PTPN20: variants seen among roughly 807,000 people sequenced by gnomAD.
PTPN20 encodes the protein tyrosine-protein phosphatase non-receptor type 20.
PTPN20 carries 9 observed loss-of-function variants against 35.0 expected under a neutral mutation model. The ratio of observed to expected loss-of-function variants is 0.26; its 90% CI spans 0.15 to 0.45. PTPN20 has a LOEUF of 0.45. Among genes scored for constraint, PTPN20 ranks in the 20% least tolerant of loss-of-function variants. The probability of loss-of-function intolerance (pLI) is 1.00; values close to 1 mark genes in which losing one functional copy is unlikely to be tolerated. For synonymous variants in PTPN20, 32 were observed against 100.2 expected (o/e 0.32, Z 4.06); for missense variants, 111 against 312.5 (o/e 0.36, Z 4.86).
chr10:46,925,062 C>T lies in PTPN20; in HGVS notation c.-123-7315C>T, dbSNP rs1800530386. Among the ~76,000 whole-genome samples, 12 of 150,986 alleles carry T rather than the reference C, an allele frequency of 7.9e-5. No individual in the cohort carries two copies. The South Asian group carries it at 2.5e-3, about 32-fold the overall frequency. On this transcript the variant is annotated intron_variant, in intron 1 of 10. Coordinates refer to ENST00000374339, the MANE Select transcript of PTPN20 (RefSeq NM_001042357.5). ...ACCGGAAAGACATATTTGTGACATA[C>T]TCGGTACATGGAAGGTGTGGTTGCC...
Position 46,999,940 on chromosome 10 carries a change from T to A in PTPN20, c.1163T>A (p.Met388Lys), listed in dbSNP as rs1555184135. The A allele has an allele frequency of 1.2e-6, 2 of 1,613,776 alleles. No individual in the cohort carries two copies. Among genetic ancestry groups the A allele is most frequent in the Non-Finnish European group, 1.7e-6 (2 of 1,179,724 alleles). The change falls in exon 10 of 11, where the codon ATG becomes AAG. Residue 388 changes from methionine to lysine, a missense_variant. Met to Lys is a moderately conservative substitution (Grantham distance 95, BLOSUM62 -1). Coordinates refer to ENST00000374339, the MANE Select transcript of PTPN20 (RefSeq NM_001042357.5). ...SFNIMDIVAQ[M>K]REQRSGMVQT... Reference sequence around the variant, plus strand: ...AACATCATGGATATAGTGGCCCAAATGAGAGAACAACGTTCTGGCATGGTT... The same window carrying A: ...AACATCATGGATATAGTGGCCCAAAAGAGAGAACAACGTTCTGGCATGGTT...
chr10:46,976,367 G>T, intron 7 of PTPN20, among the ~76,000 whole-genome samples: 1 of 109,812 alleles, frequency 9.1e-6, no homozygotes, highest in Non-Finnish European at 1.9e-5. Context: ...TTGGAGATGG[G>T]TATAAGTAGT....
At chr10:46,925,443 A>G (rs1408701708) in intron 1 of PTPN20, among the ~76,000 whole-genome samples, 2 of 146,780 alleles carry the variant, frequency 1.4e-5, no homozygotes, top group Non-Finnish European at 3.0e-5. Flanking sequence ...CAAAGGAGTG[A>G]GAAGGTGGGG....
intron 9 of PTPN20, among the ~76,000 whole-genome samples, chr10:46,995,806 G>A (rs1246577850): frequency 2.0e-5 from 3 of 152,130 alleles, no homozygotes; most frequent in South Asian, 2.1e-4. Flanking sequence ...GAGATTTTTT[G>A]CACTCTTGGT....
intron 4 of PTPN20, among the ~76,000 whole-genome samples, chr10:46,944,769 A>G (rs1265761209): frequency 1.4e-5 from 2 of 145,672 alleles, no homozygotes; most frequent in Non-Finnish European, 3.0e-5. Context: ...AGCACTGTAT[A>G]CAAATACAAA....
rs1378241435 is a variant in PTPN20, at chr10:47,001,493, A to G, written c.*752A>G. The stretch of plus-strand genomic sequence containing the variant: ...CCTATCCCACCCTAACACTTAACAT[A>G]TTACTTAGTCTGCTTTGTTAAAAGC... On this transcript the variant is annotated 3_prime_UTR_variant, in exon 11 of 11. Transcript: ENST00000374339. The G allele has an allele frequency of 1.3e-5, 2 of 152,102 alleles. No individual in the cohort carries two copies. Among genetic ancestry groups the G allele is most frequent in the Non-Finnish European group, 2.9e-5 (2 of 68,032 alleles). The allele number at this position is 152,102 out of a possible 1,614,324, so 9.4% of individuals were successfully genotyped here. A position where few individuals can be genotyped will look rare whatever the true frequency, so the allele number is the denominator to read the frequency against.
chr10:46,951,395 A>G (rs1195892711), intron 5 of PTPN20, among the ~76,000 whole-genome samples: 174 of 150,900 alleles, frequency 1.2e-3, no homozygotes, highest in African/African-American at 4.2e-3. Context: ...AACTCTTCAC[A>G]TGTTGGAAAT....
At chr10:46,980,245 G>A (rs1215223942) in intron 7 of PTPN20, among the ~76,000 whole-genome samples, 2 of 103,280 alleles carry the variant, frequency 1.9e-5, no homozygotes, top group East Asian at 8.7e-4. Context: ...TTATTTTGAT[G>A]TGCTACTCTG....
Position 46,999,936 on chromosome 10 carries a change from C to T in PTPN20, c.1159C>T (p.Gln387Ter). 6.2e-7 allele frequency: 1 copy of T among 1,613,714 alleles called. No homozygotes were observed. The highest frequency in any genetic ancestry group is 8.5e-7 in the Non-Finnish European group (1 of 1,179,716). The change falls in exon 10 of 11, where the codon CAA becomes TAA. Residue 387 changes from glutamine to a stop codon, truncating the protein, a stop_gained. Transcript: ENST00000374339. LOFTEE classifies it high-confidence loss of function. ...GTTCAACATCATGGATATAGTGGCCCAAATGAGAGAACAACGTTCTGGCAT... is the reference window on the plus strand; with the variant it reads ...GTTCAACATCATGGATATAGTGGCCTAAATGAGAGAACAACGTTCTGGCAT... ...CSFNIMDIVA[Q>*]MREQRSGMVQ...
intron 9 of PTPN20, 64 bp from the exon 10 acceptor site, chr10:46,999,848 C>A: frequency 4.5e-6 from 7 of 1,569,706 alleles, no homozygotes; most frequent in Non-Finnish European, 4.4e-6. Flanking sequence ...CCCTTTTTGG[C>A]AATCTGTGAA....
intron 1 of PTPN20, among the ~76,000 whole-genome samples, chr10:46,927,917 G>C (rs1427974308): frequency 4.6e-5 from 7 of 151,774 alleles, no homozygotes; most frequent in Non-Finnish European, 1.0e-4. Flanking sequence ...CAAACAGATC[G>C]ACCTGAGGTT....
chr10:46,977,308 T>G (rs1199521710), intron 7 of PTPN20, among the ~76,000 whole-genome samples: 1 of 152,290 alleles, frequency 6.6e-6, no homozygotes, highest in Non-Finnish European at 1.5e-5. Flanking sequence ...ATGAGTCAGT[T>G]CTTTAAAATA....
In PTPN20 at chr10:46,954,781, A is replaced by G. The variant is rs1370377884; in HGVS notation, c.340+8106A>G. Among the ~76,000 whole-genome samples the G allele has an allele frequency of 2.7e-5, 4 of 150,248 alleles. No individual in the cohort carries two copies. In the East Asian group the frequency reaches 5.9e-4, roughly 22 times the overall value. On this transcript the variant is annotated intron_variant, in intron 5 of 10. Transcript: ENST00000374339. ...ATTTCCTTTTTCCTTCTTGCTTTGG[A>G]TTTTATTTTATCTTTTCTTAATTTA...
At chr10:47,000,529 C>T (rs2059920018) in intron 10 of PTPN20, 147 bp from the exon 11 acceptor site, 6 of 836,192 alleles carry the variant, frequency 7.2e-6, no homozygotes, top group South Asian at 1.7e-5. Flanking sequence ...AATGTATTCA[C>T]GTAAAGTTCT....
At position 46,952,591 on chromosome 10, in the gene PTPN20, C is replaced by T. The variant is rs1425067360; in HGVS notation, c.340+5916C>T. On this transcript the variant is annotated intron_variant, in intron 5 of 10. Coordinates refer to ENST00000374339, the MANE Select transcript of PTPN20 (RefSeq NM_001042357.5). ...GGTTGTATCTGATTTTGATCACTGC[C>T]GTCTTACACCTGTCTGGTATTCTCT... Among the ~76,000 whole-genome samples, 4 of 131,252 alleles carry T rather than the reference C, an allele frequency of 3.0e-5. 1 individual carries two copies. The highest frequency in any genetic ancestry group is 4.8e-5 in the Non-Finnish European group (3 of 62,592). 86.1% of individuals were successfully genotyped at this position (131,252 alleles called of 152,430 possible).
At chr10:47,000,120 C>T (rs2059848843) in intron 10 of PTPN20, 146 bp downstream of exon 10, 9 of 1,253,520 alleles carry the variant, frequency 7.2e-6, no homozygotes, top group Non-Finnish European at 9.3e-6. Flanking sequence ...TGCTCTGATT[C>T]TCTGGTATTC....
At chr10:46,985,410 CTT>C (rs1394892578) in intron 8 of PTPN20, among the ~76,000 whole-genome samples, 2 of 149,948 alleles carry the variant, frequency 1.3e-5, no homozygotes, top group Non-Finnish European at 3.0e-5. Flanking sequence ...TGACTTATGA[CTT>C]ATGATTTATA....
intron 7 of PTPN20, among the ~76,000 whole-genome samples, chr10:46,983,494 G>A (rs2056159753): frequency 6.6e-6 from 1 of 151,648 alleles, no homozygotes; most frequent in South Asian, 2.1e-4. Flanking sequence ...CAGAGCTTCA[G>A]ATGTCTGTGT....
At chr10:46,926,856 G>A (rs1487988920) in intron 1 of PTPN20, among the ~76,000 whole-genome samples, 1 of 151,678 alleles carries the variant, frequency 6.6e-6, no homozygotes. Context: ...AGGGAAGCTC[G>A]TCTGAGCTTA....
Sources: gnomAD v4.1 joint callset for allele counts (sites outside exome capture counted in the v4.1 genomes callset) on GRCh38, gnomAD v4.1.1 for gene constraint, MANE v1.5 for transcripts, NCBI Gene and HGNC (gene_info 2026-07-23, HGNC 2026-07-21) for gene names.